ZNF236: variants seen among roughly 807,000 people sequenced by gnomAD.
The protein encoded by ZNF236 is zinc finger protein 236, also known as regulated by glucose.
ZNF236 carries 50 observed loss-of-function variants against 191.2 expected under a neutral mutation model. The observed-to-expected ratio is 0.26, with a 90% CI of 0.21 to 0.33. The LOEUF is 0.33. Ranked by LOEUF, ZNF236 falls within the 10% of genes least tolerant of loss-of-function variation. The probability of loss-of-function intolerance (pLI) is 1.00; values close to 1 mark genes in which losing one functional copy is unlikely to be tolerated. For synonymous variants in ZNF236, 907 were observed against 928.8 expected (o/e 0.98, Z 0.43); for missense variants, 1,754 against 2,374.5 (o/e 0.74, Z 5.43).
intron 18 of ZNF236, 52 bp from the exon 19 acceptor site, chr18:76,915,595 G>T: frequency 6.4e-7 from 1 of 1,556,988 alleles, no homozygotes; most frequent in Non-Finnish European, 8.8e-7. Flanking sequence ...CTGGTTTTAA[G>T]GTAGTGAAAT....
chr18:76,854,439 T>G (rs868360626), intron 3 of ZNF236, among the ~76,000 whole-genome samples: 4 of 152,136 alleles, frequency 2.6e-5, no homozygotes, highest in Admixed American at 6.5e-5. Context: ...TCACTCATTA[T>G]CAAATATTAA....
Position 76,871,737 on chromosome 18 carries a change from C to T in ZNF236, c.579C>T (p.Asp193=), listed in dbSNP as rs769431836. 6.2e-7 allele frequency: 1 copy of T among 1,614,162 alleles called. No homozygotes were observed. Among genetic ancestry groups the T allele is most frequent in the Non-Finnish European group, 8.5e-7 (1 of 1,180,026 alleles). ...CAAGGTCTTATAACCGGAATATCGA[C>T]AGAAGTGGATTCACGTATTCGTGTC... The part of the protein sequence containing the change: ...SSTRSYNRNI[D]RSGFTYSCPH... Residue 193 remains aspartate (D), a synonymous_variant, in exon 5 of 31, where the codon GAC becomes GAT. Transcript: ENST00000320610.
chr18:76,906,428 C>T (rs1737677013), intron 13 of ZNF236, among the ~76,000 whole-genome samples: 1 of 152,116 alleles, frequency 6.6e-6, no homozygotes, highest in Admixed American at 6.6e-5. Context: ...CTGGGGAACT[C>T]GGGGGCACAT....
chr18:76,926,086 G>A (rs1053662367), intron 22 of ZNF236, among the ~76,000 whole-genome samples: 4 of 152,198 alleles, frequency 2.6e-5, no homozygotes, highest in East Asian at 1.9e-4. Flanking sequence ...CCACTCAGTA[G>A]TAGTGGTTGT....
Position 76,956,010 on chromosome 18 carries a change from C to T in ZNF236, c.4940C>T (p.Ala1647Val), listed in dbSNP as rs772905258. 1.2e-6 allele frequency: 2 copies of T among 1,610,110 alleles called. No homozygotes were observed. Among genetic ancestry groups the T allele is most frequent in the South Asian group, 1.1e-5 (1 of 90,496 alleles). Residue 1647 changes from alanine (A) to valine (V), a missense_variant, in exon 28 of 31, where the codon GCC becomes GTC. Transcript: ENST00000320610. ...YQVAGVSGNL[A>V]PGNQPEKEGR... ...GTAGCTGGCGTCTCTGGGAACCTGG[C>T]CCCGGGCAACCAGCCAGAGAAGGAG...
At chr18:76,904,876 C>T (rs901034206) in intron 12 of ZNF236, among the ~76,000 whole-genome samples, 3 of 152,144 alleles carry the variant, frequency 2.0e-5, no homozygotes. Flanking sequence ...GAAGTCGAAC[C>T]TTGATCATGA....
chr18:76,903,718 A>G (rs1356709616), intron 11 of ZNF236, among the ~76,000 whole-genome samples: 3 of 152,094 alleles, frequency 2.0e-5, no homozygotes, highest in African/African-American at 7.2e-5. Context: ...AATTCCTGAA[A>G]TAATGCAGTA....
chr18:76,857,516 G>T (rs1277864693), intron 3 of ZNF236, among the ~76,000 whole-genome samples: 1 of 152,140 alleles, frequency 6.6e-6, no homozygotes, highest in African/African-American at 2.4e-5. Flanking sequence ...CCTCCTTCAG[G>T]TTACATTATC....
chr18:76,909,389 C>T (rs541886346), intron 14 of ZNF236, among the ~76,000 whole-genome samples: 143 of 151,896 alleles, frequency 9.4e-4, no homozygotes, highest in African/African-American at 3.1e-3. Flanking sequence ...CTTTTATCCC[C>T]GGTATATTGA....
In ZNF236 at chr18:76,961,056, A is replaced by G. The variant is rs576805850; in HGVS notation, c.5419+201A>G. On this transcript the variant is annotated intron_variant, in intron 30 of 30. Transcript: ENST00000320610. ...TGGGGAACAGATAGTGTTTGGTTACATGAGTAAGTTCTGTAGTGGTGATTT... is the reference window on the plus strand; with the variant it reads ...TGGGGAACAGATAGTGTTTGGTTACGTGAGTAAGTTCTGTAGTGGTGATTT... Among the ~76,000 whole-genome samples the G allele has an allele frequency of 2.6e-5, 4 of 152,244 alleles. No homozygotes were observed. The South Asian group carries it at 6.2e-4, about 24-fold the overall frequency.
rs377422426 is a variant in ZNF236, at chr18:76,908,413, A to G, written c.2391A>G (p.Gln797=). ...VDQQSMQAST[Q]MQVEIESDEL... is the part of the protein sequence containing the mutation. Reference sequence around the variant, plus strand: ...AGCAGAGCATGCAGGCCTCCACTCAAATGCAGGTGGAGATCGAGAGCGACG... The same window carrying G: ...AGCAGAGCATGCAGGCCTCCACTCAGATGCAGGTGGAGATCGAGAGCGACG... Residue 797 remains glutamine (Q), a synonymous_variant, in exon 14 of 31, where the codon CAA becomes CAG. Coordinates refer to ENST00000320610, the MANE Select transcript of ZNF236 (RefSeq NM_001306089.2). The G allele has an allele frequency of 1.4e-4, 232 of 1,614,194 alleles. 1 individual carries two copies. Among genetic ancestry groups the G allele is most frequent in the Middle Eastern group, 1.3e-3 (8 of 6,062 alleles).
rs372041276 is a variant in ZNF236, at chr18:76,859,237, A to G, written c.363+7298A>G. 5.1e-5 allele frequency among the ~76,000 whole-genome samples: 6 copies of G among 116,822 alleles called. No homozygotes were observed. The East Asian group carries it at 1.2e-3, about 24-fold the overall frequency. The allele number at this position is 116,822 out of a possible 152,430, so 76.6% of individuals were successfully genotyped here. ...GTGCAGGTGGAGGAGAAAGGGGGAG[A>G]GGGCTCAGGTGGAGGCGGGTGCAGG... On this transcript the variant is annotated intron_variant, in intron 3 of 30. Coordinates refer to ENST00000320610, the MANE Select transcript of ZNF236 (RefSeq NM_001306089.2).
intron 25 of ZNF236, 123 bp downstream of exon 25, chr18:76,928,229 T>C: frequency 1.4e-6 from 1 of 705,898 alleles, no homozygotes; most frequent in Non-Finnish European, 2.1e-6. Context: ...TATTTATAAT[T>C]TATGGGAGAA....
rs534837409 is a variant in ZNF236 at position 76,863,647 on chromosome 18, C to G, written c.364-5038C>G. ...CTTGCTGTGTTGCCCAGGCTGGTCTCGAACTCATGGGCTCAAGCGATCCTC... is the reference window on the plus strand; with the variant it reads ...CTTGCTGTGTTGCCCAGGCTGGTCTGGAACTCATGGGCTCAAGCGATCCTC... On this transcript the variant is annotated intron_variant, in intron 3 of 30. Transcript: ENST00000320610. 4.6e-5 allele frequency among the ~76,000 whole-genome samples: 7 copies of G among 150,968 alleles called. No individual in the cohort carries two copies. The East Asian group carries it at 9.8e-4, about 21-fold the overall frequency.
At chr18:76,912,043 T>C (rs1276752912) in intron 16 of ZNF236, among the ~76,000 whole-genome samples, 2 of 152,188 alleles carry the variant, frequency 1.3e-5, no homozygotes, top group Non-Finnish European at 2.9e-5. Flanking sequence ...AGAAAATAAA[T>C]AGGTCTTCAT....
At chr18:76,862,899 C>T (rs1362703488) in intron 3 of ZNF236, among the ~76,000 whole-genome samples, 1 of 152,106 alleles carries the variant, frequency 6.6e-6, no homozygotes, top group Non-Finnish European at 1.5e-5. Context: ...AGAGCGGTAT[C>T]AATATGAAGA....
chr18:76,918,120 A>G (rs925724308), intron 19 of ZNF236, among the ~76,000 whole-genome samples: 1 of 152,184 alleles, frequency 6.6e-6, no homozygotes, highest in Non-Finnish European at 1.5e-5. Context: ...AGTTTTTTTC[A>G]GTCAGTCATA....
chr18:76,868,579 C>G, intron 3 of ZNF236, 106 bp from the exon 4 acceptor site: 2 of 893,876 alleles, frequency 2.2e-6, no homozygotes, highest in Non-Finnish European at 3.3e-6. Flanking sequence ...TTAGAGAGAC[C>G]AAGTAGTTTT....
In ZNF236 at chr18:76,905,158, C is replaced by A; in HGVS notation, c.2040C>A (p.Ser680=). ...AAAATGTGTATTTTTTTTTAAGATC[C>A]CATACAGGTGAAAAACCTTTTAAAT... The part of the protein sequence containing the change: ...KSCHLKQHIR[S]HTGEKPFKCS... The change falls in exon 13 of 31, where the codon TCC becomes TCA. Residue 680 remains serine, a synonymous_variant. Coordinates refer to ENST00000320610, the MANE Select transcript of ZNF236 (RefSeq NM_001306089.2). 6.2e-7 allele frequency: 1 copy of A among 1,607,816 alleles called. No individual in the cohort carries two copies. The highest frequency in any genetic ancestry group is 8.5e-7 in the Non-Finnish European group (1 of 1,177,068).
Sources: allele counts gnomAD v4.1 joint callset (sites outside exome capture counted in the v4.1 genomes callset), GRCh38; gene constraint gnomAD v4.1.1; transcripts MANE v1.5; gene names NCBI Gene and HGNC (gene_info 2026-07-23, HGNC 2026-07-21).